The following ANO6 variants were observed in gnomAD, a reference collection of about 807,000 sequenced individuals.
The protein encoded by ANO6 is anoctamin-6.
A neutral mutation model predicts 117.5 loss-of-function variants in ANO6; 106 were observed. The ratio of observed to expected loss-of-function variants is 0.90; its 90% CI spans 0.77 to 1.06. The LOEUF (loss-of-function observed/expected upper bound fraction) is 1.06, where lower values mean the gene tolerates loss of function less well. Ranked by LOEUF, ANO6 falls within the 50% of genes least tolerant of loss-of-function variation. ANO6 has a pLI of 0.00. For missense variants in ANO6, 955 were observed against 1,121.1 expected, an observed-to-expected ratio of 0.85 and a Z score of 2.12; for synonymous variants, 367 against 385.1, an observed-to-expected ratio of 0.95 and a Z score of 0.55.
At chr12:45,428,362 T>A (rs1022984846) in intron 19 of ANO6, among the ~76,000 whole-genome samples, 3 of 152,168 alleles carry the variant, frequency 2.0e-5, no homozygotes, top group African/African-American at 4.8e-5. Context: ...CCTATAATCC[T>A]AGCGCTTTGG....
intron 1 of ANO6, among the ~76,000 whole-genome samples, chr12:45,291,593 C>G (rs1939102865): frequency 6.6e-6 from 1 of 152,032 alleles, no homozygotes; most frequent in Admixed American, 6.6e-5. Flanking sequence ...ATATAAATAA[C>G]TCCTGAACAC....
At chr12:45,231,194 A>G (rs1468609357) in intron 1 of ANO6, among the ~76,000 whole-genome samples, 1 of 152,244 alleles carries the variant, frequency 6.6e-6, no homozygotes, top group Non-Finnish European at 1.5e-5. Flanking sequence ...TTGATATCAA[A>G]TATAACTTAT....
At chr12:45,399,964 G>A (rs1942739772) in intron 12 of ANO6, among the ~76,000 whole-genome samples, 1 of 152,174 alleles carries the variant, frequency 6.6e-6, no homozygotes, top group South Asian at 2.1e-4. Flanking sequence ...GCACCCCAAA[G>A]AAATATGGGA....
chr12:45,228,051 T>C (rs1417812621), intron 1 of ANO6: 1 of 242,082 alleles, frequency 4.1e-6, no homozygotes, highest in Admixed American at 5.2e-5. Flanking sequence ...AATAAATGGC[T>C]CATGAATGTA....
chr12:45,268,615 C>G (rs888503903), intron 1 of ANO6, among the ~76,000 whole-genome samples: 9 of 152,170 alleles, frequency 5.9e-5, no homozygotes, highest in African/African-American at 2.2e-4. Flanking sequence ...TAACTGGGCT[C>G]TGATCTTGGT....
chr12:45,435,756 G>T (rs769973658), downstream of ANO6, among the ~76,000 whole-genome samples: 1 of 152,006 alleles, frequency 6.6e-6, no homozygotes, highest in Non-Finnish European at 1.5e-5. Context: ...AGACAGCATC[G>T]ATGGTGGTTT....
intron 10 of ANO6, among the ~76,000 whole-genome samples, chr12:45,384,744 T>TA (rs1268618066): frequency 6.6e-6 from 1 of 152,100 alleles, no homozygotes; most frequent in African/African-American, 2.4e-5. Context: ...CTATAAAAGA[T>TA]ACAATAATAA....
chr12:45,330,743 G>C (rs1191153996), intron 2 of ANO6, among the ~76,000 whole-genome samples: 8 of 152,066 alleles, frequency 5.3e-5, no homozygotes, highest in Non-Finnish European at 1.0e-4. Context: ...GAACACCAAT[G>C]ACTAGTGCAG....
At chr12:45,365,408 G>C (rs1266761656) in intron 8 of ANO6, among the ~76,000 whole-genome samples, 3 of 152,188 alleles carry the variant, frequency 2.0e-5, no homozygotes, top group East Asian at 3.8e-4. Context: ...TTGACCTCTT[G>C]TTACGGTATC....
chr12:45,354,945 T>G (rs1253883046), intron 7 of ANO6, among the ~76,000 whole-genome samples: 2 of 152,146 alleles, frequency 1.3e-5, no homozygotes, highest in Non-Finnish European at 2.9e-5. Flanking sequence ...TCTTCCAGAA[T>G]AGAAAGTCAA....
At chr12:45,313,182 A>G (rs1312987133) in intron 2 of ANO6, 1 of 151,984 alleles carries the variant, frequency 6.6e-6, no homozygotes, top group Non-Finnish European at 1.5e-5. Flanking sequence ...CTTATTTTTA[A>G]TTTTCCTTTT....
rs1205927833 is a variant in ANO6, at chr12:45,331,414, AAAAC to A, written c.274_277del (p.Gln92GlyfsTer18). 4 of 1,604,066 alleles carry A rather than the reference AAAAC, an allele frequency of 2.5e-6. No homozygotes were observed. The South Asian group carries it at 4.5e-5, about 18-fold the overall frequency. ...AGACCAATAAAAAGGGTACAAATGAAAAACAAAGGGTAAGTTTTTATGCTATTTT... is the reference window on the plus strand; with the variant it reads ...AGACCAATAAAAAGGGTACAAATGAAAAAGGGTAAGTTTTTATGCTATTTT... On this transcript the variant is annotated frameshift_variant, in exon 3 of 20. Transcript: ENST00000320560. LOFTEE classifies it high-confidence loss of function.
chr12:45,436,362 T>C (rs1327487734), downstream of ANO6, among the ~76,000 whole-genome samples: 1 of 152,166 alleles, frequency 6.6e-6, no homozygotes, highest in East Asian at 1.9e-4. Context: ...TCTGAATAAA[T>C]AGGCTTTGCT....
At chr12:45,248,428 C>CT (rs35185612) in intron 1 of ANO6, among the ~76,000 whole-genome samples, 11,826 of 120,814 alleles carry the variant, frequency 0.098, 918 homozygotes, top group East Asian at 0.26. Context: ...AAAAAGTAGA[C>CT]TTTTTTTTTT....
intron 1 of ANO6, among the ~76,000 whole-genome samples, chr12:45,238,371 G>A (rs1592853615): frequency 6.6e-6 from 1 of 151,904 alleles, no homozygotes; most frequent in African/African-American, 2.4e-5. Context: ...GGCTGGTCTC[G>A]AACTCCCAAC....
intron 12 of ANO6, among the ~76,000 whole-genome samples, chr12:45,394,705 C>T (rs1273374387): frequency 1.3e-5 from 2 of 152,208 alleles, no homozygotes; most frequent in African/African-American, 4.8e-5. Context: ...CAAAACTGCA[C>T]AACTACATGG....
chr12:45,220,002 T>A (rs754950581), intron 1 of ANO6, among the ~76,000 whole-genome samples: 1 of 152,210 alleles, frequency 6.6e-6, no homozygotes. Flanking sequence ...TGTCCTTGGC[T>A]GCTTTTCGCC....
At chr12:45,437,344 C>G (rs1943718338), downstream of ANO6, among the ~76,000 whole-genome samples, 1 of 152,082 alleles carries the variant, frequency 6.6e-6, no homozygotes, top group African/African-American at 2.4e-5. Context: ...GCTGTTAAGC[C>G]AGACATTAAA....
intron 7 of ANO6, among the ~76,000 whole-genome samples, chr12:45,357,004 T>TA (rs993852097): frequency 1.3e-5 from 2 of 152,240 alleles, no homozygotes; most frequent in Non-Finnish European, 2.9e-5. Context: ...ATGATAGTAA[T>TA]ACTCTGTATT....
Sources: allele counts gnomAD v4.1 joint callset (sites outside exome capture counted in the v4.1 genomes callset), GRCh38; gene constraint gnomAD v4.1.1; transcripts MANE v1.5; gene names NCBI Gene and HGNC (gene_info 2026-07-23, HGNC 2026-07-21).